Variants in SRPK1 observed in about 807,000 individuals in gnomAD.
The protein encoded by SRPK1 is SRSF protein kinase 1, also known as SFRS protein kinase 1.
A neutral mutation model predicts 89.5 loss-of-function variants in SRPK1; 52 were observed. The observed-to-expected ratio is 0.58, with a 90% CI of 0.46 to 0.73. The LOEUF is 0.73. SRPK1 is among the 30% of genes least tolerant of loss of function. The pLI, the probability that SRPK1 is intolerant of heterozygous loss-of-function variation, is 0.00. For missense variants in SRPK1, 603 were observed against 780.6 expected (o/e 0.77, Z 2.71); for synonymous variants, 255 against 270.2 (o/e 0.94, Z 0.55).
At position 35,870,314 on chromosome 6, in the gene SRPK1, T is replaced by C; in HGVS notation, c.958A>G (p.Asn320Asp). 1 of 1,613,686 alleles carries C rather than the reference T, an allele frequency of 6.2e-7. No individual in the cohort carries two copies. Among genetic ancestry groups the C allele is most frequent in the Non-Finnish European group, 8.5e-7 (1 of 1,179,778 alleles). The change falls in exon 10 of 16, where the codon AAC (asparagine) becomes GAC (aspartate). Residue 320 changes from asparagine to aspartate, a missense_variant. By Grantham distance (23) the Asn-to-Asp change is conservative. Transcript: ENST00000373825. ...ESPVERPLKE[N>D]PPNKMTQEKL... ...TCTTGGGTCATTTTATTAGGTGGGT[T>C]CTCTTTCAAGGGTCTTTCAACAGGA...
At chr6:35,893,394 AG>A (rs1397752019) in intron 2 of SRPK1, among the ~76,000 whole-genome samples, 1 of 151,976 alleles carries the variant, frequency 6.6e-6, no homozygotes, top group Non-Finnish European at 1.5e-5. Context: ...CTGAGGTGGG[AG>A]GAATGCTTGA....
intron 2 of SRPK1, among the ~76,000 whole-genome samples, chr6:35,893,120 G>A (rs1770555061): frequency 6.6e-6 from 1 of 152,194 alleles, no homozygotes; most frequent in African/African-American, 2.4e-5. Flanking sequence ...TCTGAATGAA[G>A]AACAACATTC....
intron 6 of SRPK1, among the ~76,000 whole-genome samples, chr6:35,883,438 CA>C (rs1295235793): frequency 2.2e-4 from 33 of 149,414 alleles, no homozygotes; most frequent in African/African-American, 7.6e-4. Flanking sequence ...ATTATCAAAA[CA>C]AGATTATTTA....
At chr6:35,850,904 A>C (rs1025206173) in intron 13 of SRPK1, among the ~76,000 whole-genome samples, 1 of 152,230 alleles carries the variant, frequency 6.6e-6, no homozygotes. Context: ...AAGCACATCC[A>C]AAGGTCCAAG....
chr6:35,838,964 C>A, intron 14 of SRPK1: 1 of 611,668 alleles, frequency 1.6e-6, no homozygotes, highest in South Asian at 2.0e-5. Flanking sequence ...GGTGGTTGGT[C>A]ACCCGATAGT....
At chr6:35,889,670 G>A (rs1218752054) in intron 3 of SRPK1, among the ~76,000 whole-genome samples, 2 of 152,146 alleles carry the variant, frequency 1.3e-5, no homozygotes, top group Non-Finnish European at 2.9e-5. Context: ...TGTAGTCCCA[G>A]CTACTCGGGA....
At chr6:35,885,286 CACACACACACACAG>C (rs1477423466) in intron 6 of SRPK1, among the ~76,000 whole-genome samples, 23 of 135,442 alleles carry the variant, frequency 1.7e-4, no homozygotes, top group African/African-American at 5.2e-4. Flanking sequence ...CACACACACA[CACACACACACACAG>C]AGAGAGAGAG....
At chr6:35,898,900 C>T (rs1173933952) in intron 2 of SRPK1, among the ~76,000 whole-genome samples, 2 of 152,150 alleles carry the variant, frequency 1.3e-5, no homozygotes, top group African/African-American at 4.8e-5. Flanking sequence ...TGGTGGCTCA[C>T]GCCTGTAATC....
At position 35,901,363 on chromosome 6, in the gene SRPK1, CAT is replaced by C. The variant is rs887103160; in HGVS notation, c.75-10352_75-10351del. 5.3e-5 allele frequency among the ~76,000 whole-genome samples: 8 copies of C among 152,214 alleles called. No individual in the cohort carries two copies. In the South Asian group the frequency reaches 1.0e-3, roughly 20 times the overall value. On this transcript the variant is annotated intron_variant, in intron 2 of 15. Transcript: ENST00000373825. ...AAATCTGGATGTAGAGACACACACACATATAGAGGGAAGATGATGTGAAGAGA... is the reference window on the plus strand; with the variant it reads ...AAATCTGGATGTAGAGACACACACACATAGAGGGAAGATGATGTGAAGAGA...
At chr6:35,917,942 T>C (rs1053977093) in intron 2 of SRPK1, among the ~76,000 whole-genome samples, 14 of 152,180 alleles carry the variant, frequency 9.2e-5, no homozygotes, top group African/African-American at 3.4e-4. Context: ...ACCACATCTA[T>C]CTCCAAAGAC....
Position 35,888,129 on chromosome 6 carries a change from G to A in SRPK1, c.303-18C>T, listed in dbSNP as rs1054171957. On this transcript the variant is annotated intron_variant, in intron 4 of 15. Coordinates refer to ENST00000373825, the MANE Select transcript of SRPK1 (RefSeq NM_003137.5). Reference sequence around the variant, plus strand: ...TCTTCCCCCTAAGAAACAAACACAGGCAATTAAGACTACATAGCCTACCCT... The same window carrying A: ...TCTTCCCCCTAAGAAACAAACACAGACAATTAAGACTACATAGCCTACCCT... 1.0e-5 allele frequency: 16 copies of A among 1,577,910 alleles called. No homozygotes were observed. Among genetic ancestry groups the A allele is most frequent in the Non-Finnish European group, 1.4e-5 (16 of 1,155,174 alleles).
At chr6:35,906,221 C>T (rs962445964) in intron 2 of SRPK1, among the ~76,000 whole-genome samples, 2 of 151,862 alleles carry the variant, frequency 1.3e-5, no homozygotes, top group African/African-American at 2.4e-5. Flanking sequence ...ACAACATGCA[C>T]GAATTTTATT....
intron 15 of SRPK1, among the ~76,000 whole-genome samples, chr6:35,836,002 A>G (rs1334377130): frequency 6.6e-6 from 1 of 152,176 alleles, no homozygotes; most frequent in Non-Finnish European, 1.5e-5. Context: ...CAGTTTTCAG[A>G]TACAACAGCT....
chr6:35,857,163 T>A (rs1395842570), intron 13 of SRPK1, 98 bp downstream of exon 13: 1 of 849,950 alleles, frequency 1.2e-6, no homozygotes, highest in Non-Finnish European at 1.9e-6. Flanking sequence ...CTGTGTTACG[T>A]TCTTTTCTGC....
rs1769335410 is a variant in SRPK1 at position 35,842,617 on chromosome 6, G to A, written c.1621-13C>T. 6.3e-6 allele frequency: 10 copies of A among 1,582,010 alleles called. No individual in the cohort carries two copies. In the South Asian group the frequency reaches 9.3e-5, roughly 15 times the overall value. On this transcript the variant is annotated splice_polypyrimidine_tract_variant and intron_variant, in intron 13 of 15. Coordinates refer to ENST00000373825, the MANE Select transcript of SRPK1 (RefSeq NM_003137.5). ...CCAGTTCAAAGGCCTAAAAAAAAAA[G>A]AGGACAGTATATGAAAGCACAAAAG...
At chr6:35,854,476 G>C (rs779691729) in intron 13 of SRPK1, among the ~76,000 whole-genome samples, 21 of 152,106 alleles carry the variant, frequency 1.4e-4, no homozygotes, top group Non-Finnish European at 1.9e-4. Context: ...TATGTCGACT[G>C]GCAAAATAAA....
At chr6:35,876,608 C>T (rs1241058324) in intron 6 of SRPK1, among the ~76,000 whole-genome samples, 1 of 152,190 alleles carries the variant, frequency 6.6e-6, no homozygotes, top group Non-Finnish European at 1.5e-5. Flanking sequence ...TGCCACGGCA[C>T]TCCAGCCTGA....
chr6:35,916,787 G>A (rs935810841), intron 2 of SRPK1, among the ~76,000 whole-genome samples: 7 of 152,300 alleles, frequency 4.6e-5, no homozygotes, highest in East Asian at 1.9e-4. Flanking sequence ...GGTCAGGCAC[G>A]GTAGCTCACA....
intron 6 of SRPK1, among the ~76,000 whole-genome samples, chr6:35,879,335 C>T (rs1407098425): frequency 6.6e-6 from 1 of 151,960 alleles, no homozygotes; most frequent in Non-Finnish European, 1.5e-5. Context: ...CTGCTTGAGC[C>T]CAGGGGGTTG....
Sources: allele counts gnomAD v4.1 joint callset (sites outside exome capture counted in the v4.1 genomes callset), GRCh38; gene constraint gnomAD v4.1.1; transcripts MANE v1.5; gene names NCBI Gene and HGNC (gene_info 2026-07-23, HGNC 2026-07-21).